Variants in CMTR1 observed in about 807,000 individuals in gnomAD.
The protein encoded by CMTR1 is cap methyltransferase 1, also known as cap-specific mRNA (nucleoside-2'-O-)-methyltransferase 1.
Under a neutral mutation model 107.0 loss-of-function variants are expected in CMTR1, and 39 were observed. The ratio of observed to expected loss-of-function variants is 0.36; its 90% CI spans 0.28 to 0.48. The LOEUF is 0.48. Ranked by LOEUF, CMTR1 falls within the 20% of genes least tolerant of loss-of-function variation. CMTR1 has a pLI of 0.99. For missense variants in CMTR1, 672 were observed against 1,064.9 expected (o/e 0.63, Z 5.14); for synonymous variants, 366 against 379.5 (o/e 0.96, Z 0.41).
At chr6:37,464,282 G>A (rs182474139) in intron 13 of CMTR1, among the ~76,000 whole-genome samples, 60 of 152,002 alleles carry the variant, frequency 3.9e-4, no homozygotes, top group African/African-American at 1.4e-3. Context: ...TGGCTAACAC[G>A]GTGAAACCCC....
At chr6:37,441,795 C>T (rs1771683171) in intron 2 of CMTR1, among the ~76,000 whole-genome samples, 1 of 152,200 alleles carries the variant, frequency 6.6e-6, no homozygotes, top group Admixed American at 6.5e-5. Context: ...TATCAGTTCA[C>T]CTCTCAGTTT....
chr6:37,464,710 A>G (rs1051089829), intron 13 of CMTR1, among the ~76,000 whole-genome samples: 4 of 152,028 alleles, frequency 2.6e-5, no homozygotes, highest in Non-Finnish European at 4.4e-5. Flanking sequence ...TCTTTTGTCA[A>G]TGGCCACTTG....
chr6:37,475,976 C>T (rs554173154), intron 19 of CMTR1, 150 bp from the exon 20 acceptor site: 1 of 708,508 alleles, frequency 1.4e-6, no homozygotes, highest in East Asian at 2.6e-5. Flanking sequence ...GCAGGGCGGG[C>T]TTCCTGGGGG....
At position 37,480,812 on chromosome 6, in the gene CMTR1, C is replaced by T. The variant is rs1358510292; in HGVS notation, c.*667C>T. 1.8e-6 allele frequency: 2 copies of T among 1,128,016 alleles called. No homozygotes were observed. The highest frequency in any genetic ancestry group is 2.0e-5 in the South Asian group (1 of 49,518). 69.9% of individuals were successfully genotyped at this position (1,128,016 alleles called of 1,614,324 possible). On this transcript the variant is annotated 3_prime_UTR_variant, in exon 24 of 24. Transcript: ENST00000373451. ...GGGCAAACTCTCATCCCTGATACCACATTGAGATCCTGGGAGCCCTCTTTT... is the reference window on the plus strand; with the variant it reads ...GGGCAAACTCTCATCCCTGATACCATATTGAGATCCTGGGAGCCCTCTTTT...
intron 13 of CMTR1, among the ~76,000 whole-genome samples, chr6:37,466,270 G>A (rs557233640): frequency 2.0e-5 from 3 of 151,752 alleles, no homozygotes; most frequent in South Asian, 4.2e-4. Context: ...GTGCCACCAC[G>A]CCCAGCTAAT....
chr6:37,429,492 G>A (rs1469648034), upstream of CMTR1, among the ~76,000 whole-genome samples: 1 of 152,180 alleles, frequency 6.6e-6, no homozygotes, highest in African/African-American at 2.4e-5. Context: ...AACCAGTAAA[G>A]TTTCAGAGAG....
intron 18 of CMTR1, 109 bp downstream of exon 18, chr6:37,474,755 C>T (rs1339070088): frequency 2.7e-6 from 4 of 1,489,804 alleles, no homozygotes; most frequent in African/African-American, 1.4e-5. Context: ...TGGTGGCTGA[C>T]AGGGCCCAGG....
At chr6:37,470,242 G>T (rs1269430423) in intron 13 of CMTR1, among the ~76,000 whole-genome samples, 1 of 151,672 alleles carries the variant, frequency 6.6e-6, no homozygotes, top group Non-Finnish European at 1.5e-5. Flanking sequence ...CACCTCCTGG[G>T]TTCACGCCAT....
chr6:37,479,155 A>T lies in CMTR1; in HGVS notation c.2275A>T (p.Thr759Ser). The T allele has an allele frequency of 6.2e-7, 1 of 1,612,952 alleles. No individual in the cohort carries two copies. Among genetic ancestry groups the T allele is most frequent in the Non-Finnish European group, 8.5e-7 (1 of 1,178,944 alleles). ...CCTCTTCCTCCCATCAGAGCCCTGG[A>T]CTATGGGATTCAGCAAAAGCTTCAA... ...YIVRTVNEPW[T>S]MGFSKSFKKK... Residue 759 changes from threonine (T) to serine (S), a missense_variant, in exon 23 of 24, where the codon ACT becomes TCT. Transcript: ENST00000373451.
At chr6:37,471,237 T>C (rs552778623) in intron 14 of CMTR1, among the ~76,000 whole-genome samples, 160 bp downstream of exon 14, 1 of 152,342 alleles carries the variant, frequency 6.6e-6, no homozygotes, top group Admixed American at 6.5e-5. Flanking sequence ...GAGAAGCATA[T>C]GACATGAGCT....
At chr6:37,467,492 G>A (rs990977544) in intron 13 of CMTR1, among the ~76,000 whole-genome samples, 3 of 152,004 alleles carry the variant, frequency 2.0e-5, no homozygotes, top group Non-Finnish European at 4.4e-5. Flanking sequence ...GGTTCATAGT[G>A]TTTTTCAAAT....
chr6:37,480,370 T>A lies in CMTR1; in HGVS notation c.*225T>A. ...GGACACCTGCCTGGGAACTTTCCCC[T>A]GCCAGGACTCAGCCTGAAGGAAGCT... On this transcript the variant is annotated 3_prime_UTR_variant, in exon 24 of 24. Coordinates refer to ENST00000373451, the MANE Select transcript of CMTR1 (RefSeq NM_015050.3). 1 of 1,346,146 alleles carries A rather than the reference T, an allele frequency of 7.4e-7. No individual in the cohort carries two copies. Among genetic ancestry groups the A allele is most frequent in the Non-Finnish European group, 9.5e-7 (1 of 1,057,752 alleles). 83.4% of individuals were successfully genotyped at this position (1,346,146 alleles called of 1,614,324 possible).
At chr6:37,424,807 T>C in the CMTR1 span, among the ~76,000 whole-genome samples, 1 of 152,194 alleles carries the variant, frequency 6.6e-6, no homozygotes. Flanking sequence ...ATTTTTTTCA[T>C]ATGGCATCAA....
At chr6:37,459,413 T>C (rs544734244) in intron 9 of CMTR1, among the ~76,000 whole-genome samples, 153 bp from the exon 10 acceptor site, 1 of 152,346 alleles carries the variant, frequency 6.6e-6, no homozygotes, top group South Asian at 2.1e-4. Context: ...GTACTGTTGT[T>C]CCTCCTGGTC....
At chr6:37,425,779 T>C in the CMTR1 span, among the ~76,000 whole-genome samples, 7 of 152,218 alleles carry the variant, frequency 4.6e-5, no homozygotes, top group African/African-American at 1.7e-4. Context: ...TGAGTTCATT[T>C]TATTTGGAGT....
intron 9 of CMTR1, 28 bp from the exon 10 acceptor site, chr6:37,459,538 A>G (rs959453740): frequency 1.3e-6 from 2 of 1,588,036 alleles, no homozygotes; most frequent in African/African-American, 1.3e-5. Context: ...GGGCAGATGA[A>G]CTCACTATGA....
chr6:37,463,360 G>T (rs887805642), intron 13 of CMTR1, among the ~76,000 whole-genome samples: 2 of 152,180 alleles, frequency 1.3e-5, no homozygotes, highest in East Asian at 3.8e-4. Context: ...CATGCTTGTT[G>T]CCTGGTGAAG....
upstream of CMTR1, among the ~76,000 whole-genome samples, chr6:37,432,512 A>G (rs1036875513): frequency 1.3e-5 from 2 of 152,196 alleles, no homozygotes; most frequent in Non-Finnish European, 2.9e-5. Context: ...TGGATTTGAA[A>G]GACAATTAGG....
At chr6:37,451,140 AT>A (rs1761155613) in intron 5 of CMTR1, among the ~76,000 whole-genome samples, 1 of 152,190 alleles carries the variant, frequency 6.6e-6, no homozygotes, top group African/African-American at 2.4e-5. Flanking sequence ...GAATTTAAAA[AT>A]ATTTTTAAAA....
Sources: gnomAD v4.1 joint callset for allele counts (sites outside exome capture counted in the v4.1 genomes callset) on GRCh38, gnomAD v4.1.1 for gene constraint, MANE v1.5 for transcripts, NCBI Gene and HGNC (gene_info 2026-07-23, HGNC 2026-07-21) for gene names.